Variants in GCNT2 observed in about 807,000 individuals in gnomAD.
The protein encoded by GCNT2 is glucosaminyl (N-acetyl) transferase 2 (I blood group), also known as N-acetyllactosaminide beta-1,6-N-acetylglucosaminyl-transferase.
GCNT2 carries 34 observed loss-of-function variants against 34.2 expected under a neutral mutation model. The observed-to-expected ratio is 1.00, with a 90% CI of 0.76 to 1.32. The LOEUF (loss-of-function observed/expected upper bound fraction) is 1.32, where lower values mean the gene tolerates loss of function less well. Ranked by LOEUF, GCNT2 falls within the 40% of genes most tolerant of loss-of-function variation. The pLI is 0.00. For synonymous variants in GCNT2, 212 were observed against 188.0 expected (o/e 1.13, Z -1.04); for missense variants, 584 against 489.4 (o/e 1.19, Z -1.82).
chr6:10,543,899 T>C (rs1762147562), intron 3 of GCNT2, among the ~76,000 whole-genome samples: 1 of 151,990 alleles, frequency 6.6e-6, no homozygotes, highest in Admixed American at 6.6e-5. Context: ...TAAAATGGAG[T>C]CGATTAGGAG....
In GCNT2 at chr6:10,522,840, C is replaced by T. The variant is rs530266336; in HGVS notation, c.-469+1423C>T. ...CAAAGCCTCGGGCACGGAGATTGGG[C>T]TGCTGTTCTAGCTTCTCATAATATC... On this transcript the variant is annotated intron_variant, in intron 1 of 4. Transcript: ENST00000495262. Among the ~76,000 whole-genome samples the T allele has an allele frequency of 1.3e-4, 20 of 152,264 alleles. No homozygotes were observed. In the East Asian group the frequency reaches 3.5e-3, roughly 26 times the overall value.
rs138593604 is a variant in GCNT2, at chr6:10,557,184, A to G, written c.925+27348A>G. 59 of 1,554,148 alleles carry G rather than the reference A, an allele frequency of 3.8e-5. No individual in the cohort carries two copies. The African/African-American group carries it at 7.4e-4, about 20-fold the overall frequency. On this transcript the variant is annotated intron_variant, in intron 3 of 4. Coordinates refer to ENST00000495262, the MANE Select transcript of GCNT2 (RefSeq NM_145649.5). ...ACAGCGTTGAAACCGCCTCCCCCCC[A>G]TAATCTCACAATTTACTTTGGCTCT...
At chr6:10,537,385 G>C (rs1761809339) in intron 3 of GCNT2, among the ~76,000 whole-genome samples, 1 of 152,070 alleles carries the variant, frequency 6.6e-6, no homozygotes, top group South Asian at 2.1e-4. Context: ...CTCATCGCAA[G>C]TGGAAAATAC....
At chr6:10,617,688 C>T (rs1561840426) in intron 3 of GCNT2, among the ~76,000 whole-genome samples, 1 of 151,978 alleles carries the variant, frequency 6.6e-6, no homozygotes, top group African/African-American at 2.4e-5. Context: ...GACACCTCAG[C>T]CTCCCAAAGT....
chr6:10,576,471 G>T (rs562569), intron 3 of GCNT2, among the ~76,000 whole-genome samples: 3,294 of 152,238 alleles, frequency 0.022, 103 homozygotes, highest in African/African-American at 0.073. Context: ...GGTCGTAATC[G>T]TGAGTTTCCT....
chr6:10,603,661 G>C (rs1315388810), intron 3 of GCNT2, among the ~76,000 whole-genome samples: 1 of 150,450 alleles, frequency 6.6e-6, no homozygotes, highest in Non-Finnish European at 1.5e-5. Flanking sequence ...GACTGCAGGC[G>C]CCTGCCACCA....
In GCNT2 at chr6:10,621,142, AT is replaced by A. The variant is rs376881802; in HGVS notation, c.926-207del. ...ATTGATTGAATTAGATGTTATACTAATTAGATGATGAGTCAACAACTAAAAT... is the reference window on the plus strand; with the variant it reads ...ATTGATTGAATTAGATGTTATACTAATAGATGATGAGTCAACAACTAAAAT... On this transcript the variant is annotated intron_variant, in intron 3 of 4. Transcript: ENST00000495262. 2.7e-4 allele frequency among the ~76,000 whole-genome samples: 41 copies of A among 152,376 alleles called. 1 individual carries two copies. The highest frequency in any genetic ancestry group is 9.9e-4 in the African/African-American group (41 of 41,588).
chr6:10,565,499 C>T (rs1366519404), intron 3 of GCNT2, among the ~76,000 whole-genome samples: 2 of 152,192 alleles, frequency 1.3e-5, no homozygotes, highest in Non-Finnish European at 2.9e-5. Flanking sequence ...CACCAGACAC[C>T]TGCAGATTAG....
At chr6:10,606,643 A>ATTTAATGGAAATTTCCATTAAAGAAC in intron 3 of GCNT2, among the ~76,000 whole-genome samples, 2 of 144,556 alleles carry the variant, frequency 1.4e-5, no homozygotes, top group African/African-American at 2.5e-5. Flanking sequence ...CATTAAAGAA[A>ATTTAATGGAAATTTCCATTAAAGAAC]TTTAATGGAA....
intron 3 of GCNT2, among the ~76,000 whole-genome samples, chr6:10,616,400 CTG>C (rs1341426372): frequency 6.6e-6 from 1 of 152,204 alleles, no homozygotes; most frequent in Non-Finnish European, 1.5e-5. Flanking sequence ...CAGGGTACCG[CTG>C]TTAGTTTTGT....
chr6:10,568,810 C>CCT (rs962282766), intron 3 of GCNT2, among the ~76,000 whole-genome samples: 2 of 152,244 alleles, frequency 1.3e-5, no homozygotes, highest in African/African-American at 4.8e-5. Context: ...TTCATGTCAC[C>CCT]CTCTCTGTTT....
chr6:10,540,484 A>G (rs955843424), intron 3 of GCNT2, among the ~76,000 whole-genome samples: 2 of 152,036 alleles, frequency 1.3e-5, no homozygotes, highest in Non-Finnish European at 2.9e-5. Flanking sequence ...CTCTTGCAGC[A>G]CCTCTTCCAT....
intron 3 of GCNT2, chr6:10,556,264 G>A: frequency 6.7e-7 from 1 of 1,482,010 alleles, no homozygotes; most frequent in East Asian, 2.5e-5. Context: ...AGAGACAGCA[G>A]CTGGACTCTC....
intron 3 of GCNT2, chr6:10,557,325 C>T: frequency 2.5e-6 from 4 of 1,612,710 alleles, no homozygotes; most frequent in Non-Finnish European, 3.4e-6. Context: ...TTCTGGGTGA[C>T]ACTCAATAGG....
chr6:10,574,838 G>T, intron 3 of GCNT2: 2 of 668,498 alleles, frequency 3.0e-6, no homozygotes, highest in South Asian at 1.4e-5. Context: ...GGAGCAGGCT[G>T]GCGCTTCAGT....
At chr6:10,579,837 A>C (rs556304594) in intron 3 of GCNT2, among the ~76,000 whole-genome samples, 2,180 of 150,416 alleles carry the variant, frequency 0.014, 24 homozygotes, top group African/African-American at 0.033. Flanking sequence ...AAAAAAAAAA[A>C]AAAAAAAAAA....
chr6:10,529,958 T>A (rs1218154284), intron 3 of GCNT2, 122 bp downstream of exon 3: 6 of 794,300 alleles, frequency 7.6e-6, no homozygotes, highest in African/African-American at 5.3e-5. Context: ...AATGTCAAAT[T>A]AAAAAAAAAA....
At chr6:10,604,053 G>A (rs1333840046) in intron 3 of GCNT2, among the ~76,000 whole-genome samples, 1 of 151,604 alleles carries the variant, frequency 6.6e-6, no homozygotes. Flanking sequence ...ACGCCACCAC[G>A]CCCGGCTAAT....
chr6:10,535,682 A>G (rs1338207070), intron 3 of GCNT2, among the ~76,000 whole-genome samples: 2 of 152,248 alleles, frequency 1.3e-5, no homozygotes, highest in Non-Finnish European at 2.9e-5. Context: ...TATTTTGAAT[A>G]TAACTCCATG....
Sources: allele counts gnomAD v4.1 joint callset (sites outside exome capture counted in the v4.1 genomes callset), GRCh38; gene constraint gnomAD v4.1.1; transcripts MANE v1.5; gene names NCBI Gene and HGNC (gene_info 2026-07-23, HGNC 2026-07-21).